Variants in STON1 observed in about 807,000 individuals in gnomAD.
The protein encoded by STON1 is stonin-1.
In STON1, 79 loss-of-function variants were observed where a neutral mutation model predicts 60.9. That is an observed-to-expected ratio of 1.30 (90% CI 1.08 to 1.56). The LOEUF (loss-of-function observed/expected upper bound fraction) is 1.56. STON1 is among the 40% of genes most tolerant of loss of function. The probability of loss-of-function intolerance (pLI) is 0.00; values close to 1 mark genes in which losing one functional copy is unlikely to be tolerated. For synonymous variants in STON1, 363 were observed against 306.9 expected, an observed-to-expected ratio of 1.18 and a Z score of -1.91; for missense variants, 1,166 against 858.9, an observed-to-expected ratio of 1.36 and a Z score of -4.47.
rs748953901 is a variant in STON1, at chr2:48,581,203, A to C, written c.570A>C (p.Glu190Asp). ...TTTCAAGTCCATTTTGGAAAGATGA[A>C]GGCAGTGATTCCCATTTCACCCTTG... ...CAFSSPFWKD[E>D]GSDSHFTLDP... The change falls in exon 2 of 4, where the codon GAA becomes GAC. Residue 190 changes from glutamate to aspartate, a missense_variant. By Grantham distance (45) the Glu-to-Asp change is conservative (BLOSUM62 2). Transcript: ENST00000404752. The C allele has an allele frequency of 6.5e-7, 1 of 1,526,992 alleles. No homozygotes were observed. Among genetic ancestry groups the C allele is most frequent in the Non-Finnish European group, 8.7e-7 (1 of 1,143,792 alleles). 94.6% of individuals were successfully genotyped at this position (1,526,992 alleles called of 1,614,324 possible). A position where few individuals can be genotyped will look rare whatever the true frequency, so the allele number is the denominator to read the frequency against.
intron 1 of STON1, among the ~76,000 whole-genome samples, chr2:48,571,960 C>T (rs546969806): frequency 5.9e-5 from 9 of 152,158 alleles, no homozygotes; most frequent in East Asian, 1.9e-4. Flanking sequence ...GTCAGGAGTT[C>T]GAGACCAGCC....
intron 2 of STON1, among the ~76,000 whole-genome samples, chr2:48,586,748 C>T (rs1248091788): frequency 6.6e-6 from 1 of 152,034 alleles, no homozygotes; most frequent in Non-Finnish European, 1.5e-5. Flanking sequence ...AGAATCATAT[C>T]TTGTTTCAGA....
rs1387911708 is a variant in STON1 at position 48,597,262 on chromosome 2, A to G, written c.*1960A>G. The G allele has an allele frequency of 6.6e-6, 1 of 152,200 alleles. No homozygotes were observed. Among genetic ancestry groups the G allele is most frequent in the Non-Finnish European group, 1.5e-5 (1 of 68,054 alleles). 9.4% of individuals were successfully genotyped at this position (152,200 alleles called of 1,614,324 possible). On this transcript the variant is annotated 3_prime_UTR_variant, in exon 4 of 4. Coordinates refer to ENST00000404752, the MANE Select transcript of STON1 (RefSeq NM_006873.4). Reference sequence around the variant, plus strand: ...TCTGTGTGTGTATGTCATTAAAAAAATTCTACCATCTTTCTTTATCATCTG... The same window carrying G: ...TCTGTGTGTGTATGTCATTAAAAAAGTTCTACCATCTTTCTTTATCATCTG...
chr2:48,581,732 G>A lies in STON1; in HGVS notation c.1099G>A (p.Val367Ile). ...GAAATACCATTCTAAGACAGAAGTAGTTCATGAACCTGACATAGAGCAGAT... is the reference window on the plus strand; with the variant it reads ...GAAATACCATTCTAAGACAGAAGTAATTCATGAACCTGACATAGAGCAGAT... Reference protein sequence around the residue: ...KRKYHSKTEVVHEPDIEQMLK... With the variant: ...KRKYHSKTEVIHEPDIEQMLK... The change falls in exon 2 of 4, where the codon GTT becomes ATT. Residue 367 changes from valine to isoleucine, a missense_variant. Val to Ile is a conservative substitution (Grantham distance 29, BLOSUM62 3). Transcript: ENST00000404752. 2 of 1,611,856 alleles carry A rather than the reference G, an allele frequency of 1.2e-6. No individual in the cohort carries two copies. The highest frequency in any genetic ancestry group is 1.7e-6 in the Non-Finnish European group (2 of 1,179,494).
intron 2 of STON1, among the ~76,000 whole-genome samples, chr2:48,584,539 A>G (rs1430046901): frequency 1.3e-5 from 2 of 152,018 alleles, no homozygotes; most frequent in East Asian, 3.9e-4. Flanking sequence ...AAGTGTTGGG[A>G]TTACAGGTGT....
intron 1 of STON1, among the ~76,000 whole-genome samples, chr2:48,559,440 G>T (rs920420857): frequency 1.3e-5 from 2 of 152,076 alleles, no homozygotes; most frequent in Non-Finnish European, 2.9e-5. Context: ...GCTCTCTGGG[G>T]CCTCTTTGAT....
chr2:48,561,965 A>G (rs935762767), intron 1 of STON1, among the ~76,000 whole-genome samples: 2 of 152,176 alleles, frequency 1.3e-5, no homozygotes, highest in African/African-American at 4.8e-5. Flanking sequence ...GGTTCAAGTG[A>G]TTCTCGTGCC....
intron 1 of STON1, among the ~76,000 whole-genome samples, chr2:48,576,794 G>A (rs192851359): frequency 2.6e-5 from 4 of 151,392 alleles, no homozygotes; most frequent in Non-Finnish European, 4.4e-5. Flanking sequence ...GGTGGCTCAC[G>A]CCTGTAATCC....
At chr2:48,551,626 T>G (rs1672109480) in intron 1 of STON1, among the ~76,000 whole-genome samples, 1 of 152,278 alleles carries the variant, frequency 6.6e-6, no homozygotes, top group African/African-American at 2.4e-5. Context: ...CTTTTGCTGC[T>G]TCCTCTCCCT....
Position 48,581,137 on chromosome 2 carries a change from T to C in STON1, c.504T>C (p.Asp168=). The C allele has an allele frequency of 6.3e-6, 10 of 1,581,554 alleles. No individual in the cohort carries two copies. Among genetic ancestry groups the C allele is most frequent in the Non-Finnish European group, 8.6e-6 (10 of 1,169,328 alleles). The change falls in exon 2 of 4, where the codon GAT becomes GAC. Residue 168 remains aspartate (D), a synonymous_variant. Transcript: ENST00000404752. The part of the protein sequence containing the change: ...QQAESLGFQS[D]DLPQFQYFRE... ...CTGAAAGCCTAGGATTCCAAAGTGA[T>C]GATCTCCCCCAGTTTCAGTATTTTC...
At chr2:48,553,557 G>T (rs896644176) in intron 1 of STON1, among the ~76,000 whole-genome samples, 4 of 151,748 alleles carry the variant, frequency 2.6e-5, no homozygotes, top group Non-Finnish European at 5.9e-5. Context: ...GCATGGTCTC[G>T]GCTCACTGCA....
At chr2:48,584,545 G>A (rs1674088184) in intron 2 of STON1, among the ~76,000 whole-genome samples, 1 of 152,164 alleles carries the variant, frequency 6.6e-6, no homozygotes, top group Admixed American at 6.5e-5. Context: ...TGGGATTACA[G>A]GTGTGAGCCA....
chr2:48,581,635 G>T lies in STON1; in HGVS notation c.1002G>T (p.Lys334Asn). 1 of 1,614,144 alleles carries T rather than the reference G, an allele frequency of 6.2e-7. No individual in the cohort carries two copies. ...CATATTGTAGGCTTTCTGAACCCAA[G>T]GTTGAGAACTTCAGTGTAGCAGGAA... Reference protein sequence around the residue: ...LDPYCRLSEPKVENFSVAGKI... With the variant: ...LDPYCRLSEPNVENFSVAGKI... Residue 334 changes from lysine (K) to asparagine (N), a missense_variant, in exon 2 of 4, where the codon AAG becomes AAT. Transcript: ENST00000404752.
chr2:48,537,652 C>T (rs1369411263), intron 1 of STON1, among the ~76,000 whole-genome samples: 1 of 151,836 alleles, frequency 6.6e-6, no homozygotes. Flanking sequence ...AGTTCAAGAC[C>T]AGCCTGGCCA....
intron 1 of STON1, chr2:48,531,013 T>G (rs1671189160): frequency 6.6e-6 from 1 of 152,248 alleles, no homozygotes; most frequent in Non-Finnish European, 1.5e-5. Context: ...CTTCATGTAA[T>G]TAGCGTTTCT....
chr2:48,558,732 A>C (rs191160782), intron 1 of STON1, among the ~76,000 whole-genome samples: 3 of 152,236 alleles, frequency 2.0e-5, no homozygotes, highest in Non-Finnish European at 4.4e-5. Context: ...TTACTCAAGC[A>C]GATGTCCCTT....
intron 1 of STON1, among the ~76,000 whole-genome samples, chr2:48,561,734 G>T (rs902915027): frequency 1.3e-5 from 2 of 152,212 alleles, no homozygotes; most frequent in Non-Finnish European, 2.9e-5. Flanking sequence ...GAGTTAACTT[G>T]CTCCTGTTTG....
chr2:48,564,405 GTCTTCTTCTTCTTCTTCTTCTTCT>G (rs1241898892), intron 1 of STON1, among the ~76,000 whole-genome samples: 47 of 83,022 alleles, frequency 5.7e-4, no homozygotes, highest in African/African-American at 1.8e-3. Context: ...CAGTGGCGGT[GTCTTCTTCTTCTTCTTCTTCTTCT>G]TCTTCTTCTT....
At chr2:48,588,055 G>A (rs761626786) in intron 2 of STON1, among the ~76,000 whole-genome samples, 2 of 152,232 alleles carry the variant, frequency 1.3e-5, no homozygotes, top group African/African-American at 4.8e-5. Context: ...GGTTGGAGCA[G>A]AGAGGAAATC....
Sources: allele counts gnomAD v4.1 joint callset (sites outside exome capture counted in the v4.1 genomes callset), GRCh38; gene constraint gnomAD v4.1.1; transcripts MANE v1.5; gene names NCBI Gene and HGNC (gene_info 2026-07-23, HGNC 2026-07-21).